The following LINGO2 variants were observed in gnomAD, a reference collection of about 807,000 sequenced individuals.
The protein encoded by LINGO2 is leucine-rich repeat and immunoglobulin-like domain-containing nogo receptor-interacting protein 2.
Under a neutral mutation model 30.6 loss-of-function variants are expected in LINGO2, and 14 were observed. The ratio of observed to expected loss-of-function variants is 0.46; its 90% confidence interval spans 0.30 to 0.72. LINGO2 has a LOEUF of 0.72. Ranked by LOEUF, LINGO2 falls within the 30% of genes least tolerant of loss-of-function variation. The pLI is 0.07. For missense variants in LINGO2, 729 were observed against 751.7 expected, an observed-to-expected ratio of 0.97 and a Z score of 0.35; for synonymous variants, 317 against 288.5, an observed-to-expected ratio of 1.10 and a Z score of -1.00.
chr9:28,374,206 TTATTTA>T (rs1350415850), intron 2 of LINGO2, among the ~76,000 whole-genome samples: 8 of 109,890 alleles, frequency 7.3e-5, no homozygotes, highest in Admixed American at 9.4e-5. Context: ...AAATATGTTT[TTATTTA>T]TATATATATA....
chr9:28,086,646 T>C (rs760084140), intron 4 of LINGO2, among the ~76,000 whole-genome samples: 4 of 149,188 alleles, frequency 2.7e-5, no homozygotes, highest in Non-Finnish European at 4.5e-5. Flanking sequence ...ACGGTCTTGA[T>C]GGCAAATTTT....
intron 1 of LINGO2, among the ~76,000 whole-genome samples, chr9:28,578,614 T>A (rs767113747): frequency 4.6e-5 from 7 of 152,142 alleles, no homozygotes; most frequent in Non-Finnish European, 8.8e-5. Context: ...AAGTCCATGT[T>A]TCTAATTTTA....
At chr9:28,241,786 G>T (rs1821809810) in intron 4 of LINGO2, among the ~76,000 whole-genome samples, 1 of 152,166 alleles carries the variant, frequency 6.6e-6, no homozygotes, top group Non-Finnish European at 1.5e-5. Context: ...ACCCATCTTT[G>T]CTCTTCTCCA....
chr9:29,162,121 T>C, the LINGO2 span, among the ~76,000 whole-genome samples: 1 of 152,086 alleles, frequency 6.6e-6, no homozygotes, highest in Non-Finnish European at 1.5e-5. Context: ...ACTTTCATCA[T>C]GTTGGTCAGG....
At chr9:28,396,938 C>A (rs1822072488) in intron 2 of LINGO2, among the ~76,000 whole-genome samples, 1 of 151,950 alleles carries the variant, frequency 6.6e-6, no homozygotes, top group African/African-American at 2.4e-5. Context: ...GATAGAAAAC[C>A]ACAATGATTC....
the LINGO2 span, among the ~76,000 whole-genome samples, chr9:28,757,300 A>G: frequency 2.0e-5 from 3 of 151,868 alleles, no homozygotes; most frequent in South Asian, 2.1e-4. Flanking sequence ...CTTTAATTTC[A>G]TTTTCAGAAC....
intron 4 of LINGO2, among the ~76,000 whole-genome samples, chr9:28,199,999 A>G (rs1170387052): frequency 4.8e-5 from 1 of 20,934 alleles, no homozygotes; most frequent in Non-Finnish European, 1.8e-4. Context: ...TCATTTAGGA[A>G]AAAAAAAAAA....
At chr9:28,534,353 G>A (rs1213862463) in intron 1 of LINGO2, among the ~76,000 whole-genome samples, 1 of 152,072 alleles carries the variant, frequency 6.6e-6, no homozygotes, top group Non-Finnish European at 1.5e-5. Flanking sequence ...TTAGATGGTT[G>A]ACTACCTAAA....
chr9:28,633,511 T>C (rs1827100246), intron 1 of LINGO2, among the ~76,000 whole-genome samples: 1 of 152,162 alleles, frequency 6.6e-6, no homozygotes, highest in African/African-American at 2.4e-5. Context: ...AGAAATTAGG[T>C]GATTTTGAGG....
At chr9:29,211,214 C>G in the LINGO2 span, among the ~76,000 whole-genome samples, 1 of 152,156 alleles carries the variant, frequency 6.6e-6, no homozygotes, top group South Asian at 2.1e-4. Flanking sequence ...GCACAGCACG[C>G]TGAAAAATAC....
At chr9:28,318,639 T>C (rs780583324) in intron 3 of LINGO2, among the ~76,000 whole-genome samples, 2 of 152,142 alleles carry the variant, frequency 1.3e-5, no homozygotes, top group Non-Finnish European at 1.5e-5. Context: ...GACAGAGAGA[T>C]CAATTGTTGT....
the LINGO2 span, among the ~76,000 whole-genome samples, chr9:28,750,278 A>G: frequency 1.1e-3 from 163 of 152,264 alleles, 4 homozygotes; most frequent in African/African-American, 3.8e-3. Context: ...TTTGCTTTCT[A>G]AGAACAACAC....
At position 28,658,519 on chromosome 9, in the gene LINGO2, T is replaced by C. The variant is rs900052201; in HGVS notation, c.-365+11681A>G. ...CTTCTTTTAACCTTTAACAATTTTTTACTTAAAATATATTTTGTCTGATAT... is the reference window on the plus strand; with the variant it reads ...CTTCTTTTAACCTTTAACAATTTTTCACTTAAAATATATTTTGTCTGATAT... On this transcript the variant is annotated intron_variant, in intron 1 of 5. Transcript: ENST00000379992. Among the ~76,000 whole-genome samples the C allele has an allele frequency of 5.3e-5, 8 of 152,134 alleles. No homozygotes were observed. The East Asian group carries it at 1.5e-3, about 29-fold the overall frequency.
intron 1 of LINGO2, among the ~76,000 whole-genome samples, chr9:28,599,828 T>A (rs1356331077): frequency 6.6e-6 from 1 of 152,124 alleles, no homozygotes; most frequent in Non-Finnish European, 1.5e-5. Context: ...TAAATAAAAA[T>A]AATTTCAGCA....
At chr9:29,137,687 C>T in the LINGO2 span, among the ~76,000 whole-genome samples, 2 of 152,082 alleles carry the variant, frequency 1.3e-5, no homozygotes, top group African/African-American at 4.8e-5. Context: ...AGGATCTTTT[C>T]GGAGTGAAGG....
Position 28,046,758 on chromosome 9 carries a change from T to TC in LINGO2, c.-86-34354dup, listed in dbSNP as rs371704313. ...CTCCTCTTTATCTACCACGATATTGTCCCCTGATGCAACTCTGTTATATAA... is the reference window on the plus strand; with the variant it reads ...CTCCTCTTTATCTACCACGATATTGTCCCCCTGATGCAACTCTGTTATATAA... On this transcript the variant is annotated intron_variant, in intron 4 of 5. Transcript: ENST00000379992. Among the ~76,000 whole-genome samples, 949 of 150,502 alleles carry TC rather than the reference T, an allele frequency of 6.3e-3. 6 individuals carry two copies. Among genetic ancestry groups the TC allele is most frequent in the African/African-American group, 0.022 (890 of 40,210 alleles).
chr9:28,489,658 G>A (rs977474130), intron 1 of LINGO2, among the ~76,000 whole-genome samples: 5 of 151,910 alleles, frequency 3.3e-5, no homozygotes, highest in African/African-American at 1.2e-4. Context: ...CAGCACTTTG[G>A]GAGGCCGAGG....
At chr9:28,089,134 T>C (rs1284615454) in intron 4 of LINGO2, among the ~76,000 whole-genome samples, 12 of 152,090 alleles carry the variant, frequency 7.9e-5, no homozygotes, top group South Asian at 2.1e-4. Flanking sequence ...TAACACACCA[T>C]TGTCAACATT....
At chr9:28,188,475 G>A (rs1255190485) in intron 4 of LINGO2, among the ~76,000 whole-genome samples, 1 of 152,122 alleles carries the variant, frequency 6.6e-6, no homozygotes, top group African/African-American at 2.4e-5. Context: ...GACTGGGCCA[G>A]AGGGTATGGG....
Sources: gnomAD v4.1 joint callset for allele counts (sites outside exome capture counted in the v4.1 genomes callset) on GRCh38, gnomAD v4.1.1 for gene constraint, MANE v1.5 for transcripts, NCBI Gene and HGNC (gene_info 2026-07-23, HGNC 2026-07-21) for gene names.